RAD51B: variants seen among roughly 807,000 people sequenced by gnomAD.
The protein encoded by RAD51B is RAD51 paralog B.
In RAD51B, 38 loss-of-function variants were observed where a neutral mutation model predicts 42.2. The ratio of observed to expected loss-of-function variants is 0.90; its 90% CI spans 0.70 to 1.18. The LOEUF (loss-of-function observed/expected upper bound fraction) is 1.18. RAD51B is among the 50% of genes most tolerant of loss of function. The probability of loss-of-function intolerance (pLI) is 0.00; values close to 1 mark genes in which losing one functional copy is unlikely to be tolerated. For synonymous variants in RAD51B, 154 were observed against 145.2 expected (o/e 1.06, Z -0.43); for missense variants, 373 against 400.7 (o/e 0.93, Z 0.59).
intron 10 of RAD51B, among the ~76,000 whole-genome samples, chr14:68,551,548 C>T (rs959807707): frequency 1.3e-5 from 2 of 152,160 alleles, no homozygotes; most frequent in African/African-American, 4.8e-5. Context: ...AAGTATCTGA[C>T]GTCAGTCATA....
intron 7 of RAD51B, among the ~76,000 whole-genome samples, chr14:68,000,100 A>G (rs1417432185): frequency 6.6e-6 from 1 of 152,184 alleles, no homozygotes; most frequent in Non-Finnish European, 1.5e-5. Context: ...GTAAAAGTAT[A>G]CTTCCTTAGG....
intron 5 of RAD51B, among the ~76,000 whole-genome samples, chr14:67,870,515 T>C (rs1055789136): frequency 8.1e-6 from 1 of 123,304 alleles, no homozygotes; most frequent in Non-Finnish European, 1.7e-5. Context: ...CTGTCAACAT[T>C]AGACAGATCA....
At chr14:68,034,507 G>A (rs990053000) in intron 7 of RAD51B, among the ~76,000 whole-genome samples, 3 of 152,232 alleles carry the variant, frequency 2.0e-5, no homozygotes, top group South Asian at 4.1e-4. Flanking sequence ...GGGCTCAAGT[G>A]ATCCTCATGC....
At chr14:68,453,196 T>G (rs755684218) in intron 9 of RAD51B, among the ~76,000 whole-genome samples, 2 of 152,234 alleles carry the variant, frequency 1.3e-5, no homozygotes, top group African/African-American at 4.8e-5. Context: ...TGACCACATA[T>G]GTATATTCTT....
chr14:68,088,619 TGAGACAGAGAGAGAGAGA>T (rs1430794248), intron 7 of RAD51B, among the ~76,000 whole-genome samples: 1 of 134,164 alleles, frequency 7.5e-6, no homozygotes, highest in East Asian at 2.2e-4. Flanking sequence ...CGCGTGTGTG[TGAGACAGAGAGAGAGAGA>T]GAGACAGAGA....
chr14:68,120,214 T>C (rs1417561443), intron 7 of RAD51B, among the ~76,000 whole-genome samples: 1 of 152,104 alleles, frequency 6.6e-6, no homozygotes, highest in Non-Finnish European at 1.5e-5. Flanking sequence ...AGATTCTGGA[T>C]ATTAGCCCTT....
intron 5 of RAD51B, among the ~76,000 whole-genome samples, chr14:67,869,627 A>G (rs371368882): frequency 1.3e-5 from 2 of 152,166 alleles, no homozygotes; most frequent in African/African-American, 2.4e-5. Flanking sequence ...TCCAAGACAC[A>G]TAATTGTCAG....
At chr14:67,840,489 TCCATGGTATATATTTA>T (rs2041389795) in intron 4 of RAD51B, among the ~76,000 whole-genome samples, 1 of 152,236 alleles carries the variant, frequency 6.6e-6, no homozygotes, top group Non-Finnish European at 1.5e-5. Flanking sequence ...TGTGTAGTAG[TCCATGGTATATATTTA>T]CCACATTTTC....
chr14:68,093,857 A>T (rs901699751), intron 7 of RAD51B, among the ~76,000 whole-genome samples: 36 of 152,226 alleles, frequency 2.4e-4, no homozygotes, highest in African/African-American at 8.4e-4. Context: ...TCTCCAGGGT[A>T]TGTACTGAGG....
At chr14:68,341,505 CAGTGGA>C (rs72244192) in intron 8 of RAD51B, among the ~76,000 whole-genome samples, 15,026 of 152,118 alleles carry the variant, frequency 0.099, 837 homozygotes, top group African/African-American at 0.15. Context: ...GTGACAGATC[CAGTGGA>C]ATTTATTGGC....
chr14:67,948,900 C>G lies in RAD51B; in HGVS notation c.756+61696C>G, dbSNP rs566794088. On this transcript the variant is annotated intron_variant, in intron 7 of 10. Coordinates refer to ENST00000471583, the MANE Select transcript of RAD51B (RefSeq NM_133510.4). ...TGAGCTGAGATCACGCCGCTGCATT[C>G]CAGCCTGGGTGACAGAGTGAGACTC... is the stretch of plus-strand genomic sequence containing the variant. Among the ~76,000 whole-genome samples, 3 of 131,716 alleles carry G rather than the reference C, an allele frequency of 2.3e-5. No homozygotes were observed. The South Asian group carries it at 7.1e-4, about 31-fold the overall frequency. 86.4% of individuals were successfully genotyped at this position (131,716 alleles called of 152,430 possible). A position where few individuals can be genotyped will look rare whatever the true frequency, so the allele number is the denominator to read the frequency against.
intron 8 of RAD51B, among the ~76,000 whole-genome samples, chr14:68,360,524 G>T (rs1383452379): frequency 6.6e-6 from 1 of 152,212 alleles, no homozygotes; most frequent in African/African-American, 2.4e-5. Flanking sequence ...CTCTTACTGG[G>T]CATGTGCCAT....
At chr14:68,067,097 A>G (rs1278938656) in intron 7 of RAD51B, among the ~76,000 whole-genome samples, 2 of 152,224 alleles carry the variant, frequency 1.3e-5, no homozygotes, top group Non-Finnish European at 2.9e-5. Flanking sequence ...AGAGAAAAGT[A>G]CTGCTCACTT....
chr14:68,606,021 C>T (rs999165985), intron 10 of RAD51B, among the ~76,000 whole-genome samples: 6 of 152,200 alleles, frequency 3.9e-5, no homozygotes, highest in Non-Finnish European at 7.3e-5. Flanking sequence ...GCGTCCCCAG[C>T]GGAAGCTGCA....
chr14:68,504,073 A>T (rs1253371463), intron 10 of RAD51B, among the ~76,000 whole-genome samples: 3 of 152,146 alleles, frequency 2.0e-5, no homozygotes, highest in Non-Finnish European at 2.9e-5. Context: ...AAGTCGGTAG[A>T]TGCACGTTAA....
At chr14:67,912,984 G>A (rs556045207) in intron 7 of RAD51B, among the ~76,000 whole-genome samples, 86 of 152,202 alleles carry the variant, frequency 5.7e-4, no homozygotes, top group African/African-American at 1.9e-3. Flanking sequence ...GATTACAGGC[G>A]TGAGCCACTG....
rs1366723536 is a variant in RAD51B at position 68,131,499 on chromosome 14, C to T, written c.757-160385C>T. Among the ~76,000 whole-genome samples, 3 of 152,234 alleles carry T rather than the reference C, an allele frequency of 2.0e-5. No homozygotes were observed. In the East Asian group the frequency reaches 5.8e-4, roughly 29 times the overall value. ...TCACCTGAGGTCAGGAGTTCGAGACCAGCCTGACCAACATGGTGAAACCCT... is the reference window on the plus strand; with the variant it reads ...TCACCTGAGGTCAGGAGTTCGAGACTAGCCTGACCAACATGGTGAAACCCT... On this transcript the variant is annotated intron_variant, in intron 7 of 10. Coordinates refer to ENST00000471583, the MANE Select transcript of RAD51B (RefSeq NM_133510.4).
chr14:67,932,257 C>T (rs550818075), intron 7 of RAD51B, among the ~76,000 whole-genome samples: 4 of 152,304 alleles, frequency 2.6e-5, no homozygotes, highest in African/African-American at 9.6e-5. Flanking sequence ...GTTGGGTGGG[C>T]TCTTTGGCTT....
chr14:68,315,268 C>T (rs556166519), intron 8 of RAD51B, among the ~76,000 whole-genome samples: 67 of 152,268 alleles, frequency 4.4e-4, no homozygotes, highest in African/African-American at 1.2e-3. Context: ...AGATCTGTAG[C>T]GGGTTATTAA....
Sources: allele counts gnomAD v4.1 joint callset (sites outside exome capture counted in the v4.1 genomes callset), GRCh38; gene constraint gnomAD v4.1.1; transcripts MANE v1.5; gene names NCBI Gene and HGNC (gene_info 2026-07-23, HGNC 2026-07-21).